TRAPPC12: variants seen among roughly 807,000 people sequenced by gnomAD.
TRAPPC12 encodes trafficking protein particle complex subunit 12, also known as TPR repeat protein 15.
A neutral mutation model predicts 69.2 loss-of-function variants in TRAPPC12; 61 were observed. The observed-to-expected ratio is 0.88, with a 90% CI of 0.72 to 1.09. The LOEUF (loss-of-function observed/expected upper bound fraction) is 1.09, where lower values mean the gene tolerates loss of function less well. Among genes scored for constraint, TRAPPC12 ranks in the 50% least tolerant of loss-of-function variants. The pLI, the probability that TRAPPC12 is intolerant of heterozygous loss-of-function variation, is 0.00. For missense variants in TRAPPC12, 1,101 were observed against 1,016.4 expected, an observed-to-expected ratio of 1.08 and a Z score of -1.13; for synonymous variants, 469 against 438.9, an observed-to-expected ratio of 1.07 and a Z score of -0.86.
At chr2:3,432,878 A>G (rs1307147344) in intron 5 of TRAPPC12, among the ~76,000 whole-genome samples, 1 of 152,240 alleles carries the variant, frequency 6.6e-6, no homozygotes, top group Non-Finnish European at 1.5e-5. Context: ...CTGTAGCTGA[A>G]GCCACACGTG....
intron 2 of TRAPPC12, among the ~76,000 whole-genome samples, chr2:3,397,205 A>G (rs1661185493): frequency 6.6e-6 from 1 of 152,218 alleles, no homozygotes; most frequent in African/African-American, 2.4e-5. Flanking sequence ...TTATTCTGAC[A>G]AGCAAGTAAC....
chr2:3,460,383 G>A (rs1665424263), intron 8 of TRAPPC12, 47 bp downstream of exon 8: 3 of 846,658 alleles, frequency 3.5e-6, no homozygotes, highest in Non-Finnish European at 6.2e-6. Context: ...GGAAGAGCGG[G>A]GTCAGTGGGA....
rs771863607 is a variant in TRAPPC12 at position 3,401,935 on chromosome 2, A to G, written c.1164+42A>G. The G allele has an allele frequency of 2.1e-5, 27 of 1,287,902 alleles. No homozygotes were observed. In the African/African-American group the frequency reaches 3.8e-4, roughly 18 times the overall value. The allele number at this position is 1,287,902 out of a possible 1,614,324, so 79.8% of individuals were successfully genotyped here. Reference sequence around the variant, plus strand: ...TTGATTTCAGTGTTGTTTTGTGATAAGTCCTGCCTGCCTTCATAATATTTT... The same window carrying G: ...TTGATTTCAGTGTTGTTTTGTGATAGGTCCTGCCTGCCTTCATAATATTTT... On this transcript the variant is annotated intron_variant, in intron 3 of 11. Transcript: ENST00000324266.
At chr2:3,406,478 G>A (rs1661738712) in intron 3 of TRAPPC12, among the ~76,000 whole-genome samples, 1 of 152,216 alleles carries the variant, frequency 6.6e-6, no homozygotes, top group African/African-American at 2.4e-5. Flanking sequence ...TCAGTCGAAT[G>A]CTTCTTTGAG....
intron 2 of TRAPPC12, among the ~76,000 whole-genome samples, chr2:3,392,754 C>T (rs1660893583): frequency 6.6e-6 from 1 of 152,158 alleles, no homozygotes; most frequent in Admixed American, 6.5e-5. Context: ...ATTAATACAG[C>T]CATTATGGAA....
rs773583668 is a variant in TRAPPC12 at position 3,460,263 on chromosome 2, C to T, written c.1604C>T (p.Ala535Val). 1 of 873,454 alleles carries T rather than the reference C, an allele frequency of 1.1e-6. No individual in the cohort carries two copies. Among genetic ancestry groups the T allele is most frequent in the Non-Finnish European group, 2.0e-6 (1 of 502,050 alleles). The allele number at this position is 873,454 out of a possible 1,614,324, so 54.1% of individuals were successfully genotyped here. A position where few individuals can be genotyped will look rare whatever the true frequency, so the allele number is the denominator to read the frequency against. ...MSSVTQEGRQ[A>V]SIRLWRSRLG... ...CTTACAGGCTGCTCTTACCTTGTAGCCTCTATCCGGCTGTGGAGGTCACGT... is the reference window on the plus strand; with the variant it reads ...CTTACAGGCTGCTCTTACCTTGTAGTCTCTATCCGGCTGTGGAGGTCACGT... Residue 535 changes from alanine to valine, a missense_variant and splice_region_variant, in exon 8 of 12, where the codon GCC becomes GTC. By Grantham distance (64) the Ala-to-Val change is moderately conservative. Coordinates refer to ENST00000324266, the MANE Select transcript of TRAPPC12 (RefSeq NM_016030.6).
intron 3 of TRAPPC12, among the ~76,000 whole-genome samples, chr2:3,420,131 C>T (rs1020966492): frequency 6.6e-6 from 1 of 152,194 alleles, no homozygotes; most frequent in African/African-American, 2.4e-5. Context: ...AGGGGTCCTT[C>T]GATAGGTCAG....
rs553447974 is a variant in TRAPPC12 at position 3,414,603 on chromosome 2, G to A, written c.1165-7278G>A. 5.2e-4 allele frequency among the ~76,000 whole-genome samples: 74 copies of A among 143,470 alleles called. No individual in the cohort carries two copies. Among genetic ancestry groups the A allele is most frequent in the African/African-American group, 1.6e-3 (62 of 38,626 alleles). 94.1% of individuals were successfully genotyped at this position (143,470 alleles called of 152,430 possible). A position where few individuals can be genotyped will look rare whatever the true frequency, so the allele number is the denominator to read the frequency against. On this transcript the variant is annotated intron_variant, in intron 3 of 11. Transcript: ENST00000324266. This position sits in a 1 kb window ranked among gnomAD's most constrained non-coding sequence, Gnocchi z 4.9. ...AACGTGCTCTGCCGTGTGTCGGCCCGTTTCCTGAATCCTCAGGCATCAGTG... is the reference window on the plus strand; with the variant it reads ...AACGTGCTCTGCCGTGTGTCGGCCCATTTCCTGAATCCTCAGGCATCAGTG...
intron 7 of TRAPPC12, chr2:3,458,530 G>T: frequency 1.1e-6 from 1 of 873,876 alleles, no homozygotes; most frequent in South Asian, 5.2e-5. Context: ...GTATGTGTGT[G>T]GTGTGTGGAT....
intron 5 of TRAPPC12, among the ~76,000 whole-genome samples, chr2:3,426,846 C>T (rs1663132808): frequency 6.6e-6 from 1 of 152,228 alleles, no homozygotes; most frequent in South Asian, 2.1e-4. Flanking sequence ...CACATCCGCT[C>T]ATGAGTTGGA....
intron 5 of TRAPPC12, among the ~76,000 whole-genome samples, chr2:3,426,511 G>A (rs1250702839): frequency 6.6e-6 from 1 of 152,242 alleles, no homozygotes; most frequent in Non-Finnish European, 1.5e-5. Flanking sequence ...GCGTGTTCAG[G>A]AGCTCTGTCT....
intron 9 of TRAPPC12, among the ~76,000 whole-genome samples, chr2:3,468,773 C>T (rs1042901538): frequency 1.3e-5 from 2 of 150,324 alleles, no homozygotes; most frequent in Non-Finnish European, 3.0e-5. Flanking sequence ...CGTGTCCCCA[C>T]GCACGTATCC....
chr2:3,433,327 T>C (rs1663554916), intron 5 of TRAPPC12, among the ~76,000 whole-genome samples: 1 of 152,224 alleles, frequency 6.6e-6, no homozygotes, highest in South Asian at 2.1e-4. Flanking sequence ...AGGGCAAACT[T>C]GTAAGTTTGT....
chr2:3,427,539 TG>T (rs1663178370), intron 5 of TRAPPC12, among the ~76,000 whole-genome samples: 3 of 152,156 alleles, frequency 2.0e-5, no homozygotes, highest in African/African-American at 7.2e-5. Context: ...TTATGACAGG[TG>T]TTTAAGAATG....
rs1660576568 is a variant in TRAPPC12, at chr2:3,387,934, C to CCG, written c.314_315dup (p.Gly106ArgfsTer76). 2 of 1,505,106 alleles carry CCG rather than the reference C, an allele frequency of 1.3e-6. No individual in the cohort carries two copies. The highest frequency in any genetic ancestry group is 1.8e-6 in the Non-Finnish European group (2 of 1,128,748). 93.2% of individuals were successfully genotyped at this position (1,505,106 alleles called of 1,614,324 possible). A position where few individuals can be genotyped will look rare whatever the true frequency, so the allele number is the denominator to read the frequency against. On this transcript the variant is annotated frameshift_variant, in exon 2 of 12. Coordinates refer to ENST00000324266, the MANE Select transcript of TRAPPC12 (RefSeq NM_016030.6). LOFTEE classifies it high-confidence loss of function. ...GGGGAAGGCGACCCAGGCCCGGAGC[C>CCG]CGCGGGCACCCCGAGTCCCAGCGGC...
At chr2:3,428,793 C>T (rs1663262174) in intron 5 of TRAPPC12, among the ~76,000 whole-genome samples, 1 of 152,164 alleles carries the variant, frequency 6.6e-6, no homozygotes, top group African/African-American at 2.4e-5. Flanking sequence ...TGGGGCCGAC[C>T]CAGCCCCGCG....
chr2:3,446,323 G>T (rs1664503612), intron 6 of TRAPPC12, among the ~76,000 whole-genome samples: 1 of 152,234 alleles, frequency 6.6e-6, no homozygotes, highest in Admixed American at 6.5e-5. Context: ...ATGAAAAGGT[G>T]TGTGTTGGTC....
rs796345866 is a variant in TRAPPC12 at position 3,414,562 on chromosome 2, G to T, written c.1165-7319G>T. 4.7e-5 allele frequency among the ~76,000 whole-genome samples: 4 copies of T among 85,852 alleles called. No homozygotes were observed. Among genetic ancestry groups the T allele is most frequent in the Non-Finnish European group, 8.6e-5 (4 of 46,756 alleles). The allele number at this position is 85,852 out of a possible 152,430, so 56.3% of individuals were successfully genotyped here. ...CTGACCCCATCCCCCAGCTGTCCCC[G>T]CTGTGCAGTGCCTTGAACGTGCTCT... On this transcript the variant is annotated intron_variant, in intron 3 of 11. Transcript: ENST00000324266. This position sits in a 1 kb window ranked among gnomAD's most constrained non-coding sequence, Gnocchi z 4.9.
At chr2:3,394,375 C>T (rs1170803461) in intron 2 of TRAPPC12, among the ~76,000 whole-genome samples, 1 of 152,186 alleles carries the variant, frequency 6.6e-6, no homozygotes, top group East Asian at 1.9e-4. Context: ...GTAATCCCAG[C>T]ACTTTGGGAG....
Sources: gnomAD v4.1 joint callset for allele counts (sites outside exome capture counted in the v4.1 genomes callset) on GRCh38, gnomAD v4.1.1 for gene constraint, Gnocchi (gnomAD v3.1) non-coding constraint, MANE v1.5 for transcripts, NCBI Gene and HGNC (gene_info 2026-07-23, HGNC 2026-07-21) for gene names.